DLGAP5: variants seen among roughly 807,000 people sequenced by gnomAD.
DLGAP5 encodes DLG associated protein 5.
A neutral mutation model predicts 99.6 loss-of-function variants in DLGAP5; 90 were observed. That is an observed-to-expected ratio of 0.90 (90% CI 0.76 to 1.08). DLGAP5 has a LOEUF of 1.08. Among genes scored for constraint, DLGAP5 ranks in the 50% least tolerant of loss-of-function variants. The pLI, the probability that DLGAP5 is intolerant of heterozygous loss-of-function variation, is 0.00. For synonymous variants in DLGAP5, 311 were observed against 321.3 expected (o/e 0.97, Z 0.34); for missense variants, 1,036 against 983.5 (o/e 1.05, Z -0.71).
intron 14 of DLGAP5, among the ~76,000 whole-genome samples, chr14:55,156,398 A>G (rs949749555): frequency 6.6e-6 from 1 of 152,208 alleles, no homozygotes; most frequent in Admixed American, 6.5e-5. Flanking sequence ...TATTTACACA[A>G]AGTGTTGAGA....
At chr14:55,187,465 T>C (rs2094103) in intron 2 of DLGAP5, among the ~76,000 whole-genome samples, 44,304 of 151,302 alleles carry the variant, frequency 0.29, 12,579 homozygotes, top group African/African-American at 0.75. Context: ...ATTACAGGTG[T>C]GTGTCACCAC....
At chr14:55,154,917 G>GTC (rs1882154892) in intron 14 of DLGAP5, 111 bp from the exon 15 acceptor site, 1 of 906,446 alleles carries the variant, frequency 1.1e-6, no homozygotes, top group African/African-American at 1.7e-5. Flanking sequence ...GTCAAATAAT[G>GTC]TCTGTTAAAG....
chr14:55,185,525 C>T (rs1032864601), intron 2 of DLGAP5, among the ~76,000 whole-genome samples: 1 of 151,986 alleles, frequency 6.6e-6, no homozygotes, highest in East Asian at 1.9e-4. Flanking sequence ...CTCACTCTGT[C>T]GCCCAGGTTG....
At chr14:55,164,731 G>A (rs906554277) in intron 12 of DLGAP5, among the ~76,000 whole-genome samples, 1 of 151,940 alleles carries the variant, frequency 6.6e-6, no homozygotes, top group Non-Finnish European at 1.5e-5. Flanking sequence ...AGACCAGCCC[G>A]GCCAACGTAG....
intron 13 of DLGAP5, among the ~76,000 whole-genome samples, 154 bp downstream of exon 13, chr14:55,162,817 G>A (rs895554202): frequency 6.6e-6 from 1 of 151,482 alleles, no homozygotes; most frequent in African/African-American, 2.4e-5. Context: ...GTAGTATAAA[G>A]ACTTAACTTT....
chr14:55,170,040 C>T (rs918417790), intron 11 of DLGAP5, among the ~76,000 whole-genome samples: 1 of 152,060 alleles, frequency 6.6e-6, no homozygotes, highest in Non-Finnish European at 1.5e-5. Flanking sequence ...GAGGCTGAGG[C>T]AGGAGAATCG....
chr14:55,148,408 G>T lies in DLGAP5; in HGVS notation c.2484C>A (p.His828Gln). 6.2e-7 allele frequency: 1 copy of T among 1,614,158 alleles called. No individual in the cohort carries two copies. The highest frequency in any genetic ancestry group is 2.2e-5 in the East Asian group (1 of 44,874). Residue 828 changes from histidine to glutamine, a missense_variant, in exon 19 of 19, where the codon CAC becomes CAA. Transcript: ENST00000247191. ...TAATCAGGTTACCACCAAAAGAAAT[G>T]TGTCTGGCATGTTCTTGATGTCTCC... is the stretch of plus-strand genomic sequence containing the variant. Reference protein sequence around the residue: ...LERRHQEHARHISFGGNLITF... With the variant: ...LERRHQEHARQISFGGNLITF...
At position 55,181,183 on chromosome 14, in the gene DLGAP5, A is replaced by G. The variant is rs778804715; in HGVS notation, c.580+30T>C. 1.9e-6 allele frequency: 3 copies of G among 1,589,810 alleles called. No individual in the cohort carries two copies. In the Admixed American group the frequency reaches 5.2e-5, roughly 28 times the overall value. ...AAAATTATGGCTGTGGTAGCCTCAG[A>G]GGATTTATAGTAATTGCTAATATTC... On this transcript the variant is annotated intron_variant, in intron 5 of 18. Transcript: ENST00000247191.
chr14:55,167,806 T>C (rs973605560), intron 12 of DLGAP5, among the ~76,000 whole-genome samples: 1 of 152,194 alleles, frequency 6.6e-6, no homozygotes, highest in Non-Finnish European at 1.5e-5. Flanking sequence ...ATATTGCTGT[T>C]GAGAGATCAA....
Position 55,177,324 on chromosome 14 carries a change from T to C in DLGAP5, c.787A>G (p.Lys263Glu). ...ETKPDKGISC[K>E]VDSEENTLNS... The stretch of plus-strand genomic sequence containing the variant: ...AAAGTATTTTCTTCACTATCGACTT[T>C]ACAAGAAATACCCTAGGATGTGAGT... The change falls in exon 8 of 19, where the codon AAA (lysine) becomes GAA (glutamate). Residue 263 changes from lysine to glutamate, a missense_variant. By Grantham distance (56) the Lys-to-Glu change is moderately conservative. Coordinates refer to ENST00000247191, the MANE Select transcript of DLGAP5 (RefSeq NM_014750.5). 1 of 1,598,186 alleles carries C rather than the reference T, an allele frequency of 6.3e-7. No homozygotes were observed. The highest frequency in any genetic ancestry group is 1.7e-5 in the Admixed American group (1 of 57,216).
intron 10 of DLGAP5, among the ~76,000 whole-genome samples, chr14:55,171,448 G>T (rs1238961029): frequency 1.3e-5 from 2 of 152,200 alleles, no homozygotes; most frequent in African/African-American, 4.8e-5. Context: ...AGGCCTAAAA[G>T]AAGTTTAATT....
intron 13 of DLGAP5, 46 bp from the exon 14 acceptor site, chr14:55,158,787 C>G: frequency 7.3e-7 from 1 of 1,367,586 alleles, no homozygotes; most frequent in Non-Finnish European, 1.0e-6. Context: ...TACCATCTTA[C>G]AAGAAAAACA....
chr14:55,171,713 C>A (rs1478332654), intron 10 of DLGAP5, among the ~76,000 whole-genome samples: 2 of 152,106 alleles, frequency 1.3e-5, no homozygotes, highest in Non-Finnish European at 2.9e-5. Flanking sequence ...TGGAAGCAAC[C>A]CAAGTGTCCA....
At chr14:55,153,357 T>C (rs570929871) in intron 15 of DLGAP5, among the ~76,000 whole-genome samples, 3 of 151,952 alleles carry the variant, frequency 2.0e-5, no homozygotes, top group Non-Finnish European at 4.4e-5. Flanking sequence ...CTGGCTAACA[T>C]GGTGAAACCC....
Position 55,187,190 on chromosome 14 carries a change from C to G in DLGAP5, c.238+1752G>C, listed in dbSNP as rs368663533. 5.3e-5 allele frequency among the ~76,000 whole-genome samples: 8 copies of G among 152,102 alleles called. No homozygotes were observed. In the East Asian group the frequency reaches 1.5e-3, roughly 29 times the overall value. On this transcript the variant is annotated intron_variant, in intron 2 of 18. Transcript: ENST00000247191. ...TACTGGGATTATAGGTATGAGCCACCGCATCTGGCCCCTTGTCTTTTAATA... is the reference window on the plus strand; with the variant it reads ...TACTGGGATTATAGGTATGAGCCACGGCATCTGGCCCCTTGTCTTTTAATA...
intron 7 of DLGAP5, 54 bp from the exon 8 acceptor site, chr14:55,177,390 T>C (rs1437000533): frequency 6.7e-7 from 1 of 1,485,314 alleles, no homozygotes; most frequent in African/African-American, 1.4e-5. Context: ...GAGGATATAT[T>C]CAACCAATTT....
chr14:55,164,738 G>A (rs1031107274), intron 12 of DLGAP5, among the ~76,000 whole-genome samples: 1 of 151,764 alleles, frequency 6.6e-6, no homozygotes, highest in Non-Finnish European at 1.5e-5. Context: ...CCCGGCCAAC[G>A]TAGTGAAACC....
Position 55,151,757 on chromosome 14 carries a change from T to A in DLGAP5, c.2306A>T (p.Glu769Val). The change falls in exon 17 of 19, where the codon GAA becomes GTA. Residue 769 changes from glutamate to valine, a missense_variant. Coordinates refer to ENST00000247191, the MANE Select transcript of DLGAP5 (RefSeq NM_014750.5). ...GCTATTTTGTGAAGCTGTATTTTTT[T>A]CAGGGCTACTCATCAAAACATCCTG... ...TSQDVLMSSPEKNTASQNSIL... is the reference protein window; with the variant it reads ...TSQDVLMSSPVKNTASQNSIL... 1.2e-6 allele frequency: 2 copies of A among 1,614,008 alleles called. No homozygotes were observed. The highest frequency in any genetic ancestry group is 1.7e-6 in the Non-Finnish European group (2 of 1,179,946).
At chr14:55,175,321 T>G in intron 10 of DLGAP5, 25 bp downstream of exon 10, 1 of 1,594,202 alleles carries the variant, frequency 6.3e-7, no homozygotes, top group African/African-American at 1.4e-5. Flanking sequence ...TACAAAATTC[T>G]TACACTAGAA....
Sources: allele counts gnomAD v4.1 joint callset (sites outside exome capture counted in the v4.1 genomes callset), GRCh38; gene constraint gnomAD v4.1.1; transcripts MANE v1.5; gene names NCBI Gene and HGNC (gene_info 2026-07-23, HGNC 2026-07-21).